The following TOR1AIP2 variants were observed in gnomAD, a reference collection of about 807,000 sequenced individuals.
TOR1AIP2 encodes torsin-1A-interacting protein 2.
In TOR1AIP2, 20 loss-of-function variants were observed where a neutral mutation model predicts 32.6. That is an observed-to-expected ratio of 0.61 (90% CI 0.43 to 0.89). The LOEUF (loss-of-function observed/expected upper bound fraction) is 0.89. Among genes scored for constraint, TOR1AIP2 ranks in the 40% least tolerant of loss-of-function variants. The pLI is 0.00. For synonymous variants in TOR1AIP2, 214 were observed against 210.8 expected, an observed-to-expected ratio of 1.02 and a Z score of -0.13; for missense variants, 456 against 553.8, an observed-to-expected ratio of 0.82 and a Z score of 1.77.
At chr1:179,851,429 G>A in intron 4 of TOR1AIP2, 66 bp from the exon 5 acceptor site, 1 of 1,195,526 alleles carries the variant, frequency 8.4e-7, no homozygotes, top group Non-Finnish European at 1.1e-6. Context: ...TTTTAACAAG[G>A]TCCCTGTTTA....
rs139901849 is a variant in TOR1AIP2, at chr1:179,846,287, C to G, written c.1197G>C (p.Leu399=). The G allele has an allele frequency of 1.2e-5, 20 of 1,614,216 alleles. No individual in the cohort carries two copies. In the East Asian group the frequency reaches 4.5e-4, roughly 36 times the overall value. Residue 399 remains leucine, a synonymous_variant, in exon 7 of 7, where the codon CTG becomes CTC. Transcript: ENST00000609928. Reference sequence around the variant, plus strand: ...TTGCTTCTAATGTTTCCTCCTCTAGCAGAACAGTCAGGACCAGGGCCACAT... The same window carrying G: ...TTGCTTCTAATGTTTCCTCCTCTAGGAGAACAGTCAGGACCAGGGCCACAT... ...FKDVALVLTV[L]LEEETLEASV...
intron 5 of TOR1AIP2, among the ~76,000 whole-genome samples, chr1:179,849,090 A>T (rs1462421178): frequency 6.6e-6 from 1 of 152,120 alleles, no homozygotes; most frequent in Non-Finnish European, 1.5e-5. Flanking sequence ...GAGCCGAGAC[A>T]GCGCCACTGC....
intron 2 of TOR1AIP2, among the ~76,000 whole-genome samples, chr1:179,869,943 T>C (rs1696945993): frequency 6.6e-6 from 1 of 152,224 alleles, no homozygotes; most frequent in Admixed American, 6.5e-5. Context: ...AACACTTTAT[T>C]CGTATTAACT....
At chr1:179,873,720 TTC>T (rs1413743710) in intron 2 of TOR1AIP2, 1 of 152,250 alleles carries the variant, frequency 6.6e-6, no homozygotes, top group Admixed American at 6.5e-5. Context: ...AATGGAATTC[TTC>T]TGTTAGAGTT....
At chr1:179,862,426 C>T (rs1041371248) in intron 3 of TOR1AIP2, 2 of 985,222 alleles carry the variant, frequency 2.0e-6, no homozygotes, top group South Asian at 4.7e-5. Context: ...GATAAACTAA[C>T]TAGTCTTCAG....
chr1:179,861,381 A>C (rs1696522668), intron 3 of TOR1AIP2: 1 of 985,486 alleles, frequency 1.0e-6, no homozygotes, highest in Non-Finnish European at 1.2e-6. Context: ...CTTTGTTCAA[A>C]GGCTTCCTCA....
intron 3 of TOR1AIP2, chr1:179,865,231 C>G (rs755788745): frequency 1.6e-4 from 250 of 1,529,128 alleles, no homozygotes; most frequent in Non-Finnish European, 2.1e-4. Flanking sequence ...ACAACAGTGA[C>G]AGAGAGAGAC....
intron 2 of TOR1AIP2, among the ~76,000 whole-genome samples, chr1:179,867,025 C>G (rs1469193106): frequency 6.6e-6 from 1 of 152,012 alleles, no homozygotes; most frequent in Non-Finnish European, 1.5e-5. Flanking sequence ...ATAAGAGACG[C>G]TGGGGAGGGC....
At chr1:179,857,462 A>AGGGACACAGATTTGCCTCAACTGCTT (rs1033264848) in intron 3 of TOR1AIP2, among the ~76,000 whole-genome samples, 6 of 152,272 alleles carry the variant, frequency 3.9e-5, no homozygotes, top group East Asian at 3.9e-4. Context: ...CTTTTCTAAG[A>AGGGACACAGATTTGCCTCAACTGCTT]GGGACACAGA....
At chr1:179,858,584 TA>T (rs1482208709) in intron 3 of TOR1AIP2, among the ~76,000 whole-genome samples, 1 of 151,488 alleles carries the variant, frequency 6.6e-6, no homozygotes, top group African/African-American at 2.4e-5. Context: ...TCAGTCTCTG[TA>T]AAAAAAAATT....
intron 3 of TOR1AIP2, chr1:179,863,626 G>C (rs1696642850): frequency 1.0e-6 from 1 of 980,112 alleles, no homozygotes; most frequent in African/African-American, 1.8e-5. Context: ...CCTAGGAGTT[G>C]GAGACCAGCC....
At chr1:179,868,185 T>C (rs967093928) in intron 2 of TOR1AIP2, 1 of 152,288 alleles carries the variant, frequency 6.6e-6, no homozygotes, top group East Asian at 1.9e-4. Flanking sequence ...TTCTTGGTTA[T>C]ATCCCATCCC....
chr1:179,865,401 G>C (rs1696727984), intron 3 of TOR1AIP2, 35 bp downstream of exon 3: 2 of 554,832 alleles, frequency 3.6e-6, no homozygotes, highest in Admixed American at 6.9e-5. Flanking sequence ...TGAACTCAGG[G>C]ACCGATCCAG....
intron 3 of TOR1AIP2, chr1:179,859,541 T>C: frequency 2.0e-6 from 2 of 985,428 alleles, no homozygotes; most frequent in Non-Finnish European, 2.4e-6. Context: ...GTACATATCC[T>C]TCAACTTTTC....
chr1:179,863,808 A>C (rs2148446982), intron 3 of TOR1AIP2: 1 of 985,392 alleles, frequency 1.0e-6, no homozygotes, highest in East Asian at 1.1e-4. Flanking sequence ...GTAATTTAAA[A>C]ATTGTTCAGT....
In TOR1AIP2 at chr1:179,846,507, G is replaced by C; in HGVS notation, c.977C>G (p.Ser326Cys). ...TCCAGCCCCATCAATCTGAATGGGA[G>C]AGACTTTCTGGGAAGAGGTGTAGGC... is the stretch of plus-strand genomic sequence containing the variant. ...ADAYTSSQKV[S>C]PIQIDGAGRT... is the part of the protein sequence containing the mutation. Residue 326 changes from serine to cysteine, a missense_variant, in exon 7 of 7, where the codon TCT (serine) becomes TGT (cysteine). Transcript: ENST00000609928. 6.2e-7 allele frequency: 1 copy of C among 1,614,184 alleles called. No homozygotes were observed. The highest frequency in any genetic ancestry group is 8.5e-7 in the Non-Finnish European group (1 of 1,180,026).
chr1:179,860,115 T>C, intron 3 of TOR1AIP2: 1 of 984,236 alleles, frequency 1.0e-6, no homozygotes, highest in Non-Finnish European at 1.2e-6. Context: ...CCCAAAGTGC[T>C]GGAATTACAG....
intron 3 of TOR1AIP2, among the ~76,000 whole-genome samples, chr1:179,854,508 G>A (rs1323589166): frequency 6.6e-6 from 1 of 152,144 alleles, no homozygotes; most frequent in Non-Finnish European, 1.5e-5. Flanking sequence ...GAGCAGCAAA[G>A]GATCAAGAAG....
At chr1:179,868,695 G>C (rs1050739046) in intron 2 of TOR1AIP2, 8 of 151,954 alleles carry the variant, frequency 5.3e-5, no homozygotes, top group African/African-American at 1.9e-4. Context: ...ATAGGATACT[G>C]TCATTCTAAA....
Sources: allele counts gnomAD v4.1 joint callset (sites outside exome capture counted in the v4.1 genomes callset), GRCh38; gene constraint gnomAD v4.1.1; transcripts MANE v1.5; gene names NCBI Gene and HGNC (gene_info 2026-07-23, HGNC 2026-07-21).